The following MACROD1 variants were observed in gnomAD, a reference collection of about 807,000 sequenced individuals.
MACROD1 encodes ADP-ribose glycohydrolase MACROD1.
A neutral mutation model predicts 41.4 loss-of-function variants in MACROD1; 31 were observed. That is an observed-to-expected ratio of 0.75 (90% CI 0.56 to 1.01). The LOEUF is 1.01. MACROD1 is among the 50% of genes least tolerant of loss of function. The pLI, the probability that MACROD1 is intolerant of heterozygous loss-of-function variation, is 0.00. For missense variants in MACROD1, 473 were observed against 460.0 expected, an observed-to-expected ratio of 1.03 and a Z score of -0.26; for synonymous variants, 252 against 203.4, an observed-to-expected ratio of 1.24 and a Z score of -2.03.
chr11:64,151,249 G>A lies in MACROD1; in HGVS notation c.507C>T (p.Ile169=), dbSNP rs112810321. The A allele has an allele frequency of 2.2e-5, 35 of 1,613,186 alleles. 1 individual carries two copies. Among genetic ancestry groups the A allele is most frequent in the Admixed American group, 6.7e-5 (4 of 60,030 alleles). Residue 169 remains isoleucine (I), a synonymous_variant, in exon 3 of 11, where the codon ATC becomes ATT. Transcript: ENST00000255681. ...SDITKLEVDA[I]VNAANSSLLG... ...AGGCCAGCCACTCACCGGCGTTGAC[G>A]ATGGCGTCCACCTCCAGCTTGGTGA...
Position 64,152,342 on chromosome 11 carries a change from T to G in MACROD1, c.350A>C (p.Lys117Thr). Residue 117 changes from lysine to threonine, a missense_variant, in exon 2 of 11, where the codon AAG (lysine) becomes ACG (threonine). By Grantham distance (78) the Lys-to-Thr change is moderately conservative. Transcript: ENST00000255681. The stretch of plus-strand genomic sequence containing the variant: ...GATCTTCTTCAGCCTGACAAAGTCC[T>G]TGCAGAAGTAATGTTCCTCCCGCTG... Reference protein sequence around the residue: ...DKQREEHYFCKDFVRLKKIPT... With the variant: ...DKQREEHYFCTDFVRLKKIPT... 6.2e-7 allele frequency: 1 copy of G among 1,614,256 alleles called. No homozygotes were observed. The highest frequency in any genetic ancestry group is 1.1e-5 in the South Asian group (1 of 91,088).
At chr11:64,139,963 G>A (rs10792427) in intron 3 of MACROD1, among the ~76,000 whole-genome samples, 26 of 147,560 alleles carry the variant, frequency 1.8e-4, no homozygotes, top group Non-Finnish European at 1.3e-4. Flanking sequence ...CTCAAAAAAA[G>A]AAAAAAAAAA....
intron 3 of MACROD1, among the ~76,000 whole-genome samples, chr11:64,111,119 C>T (rs1326411734): frequency 6.6e-6 from 1 of 152,256 alleles, no homozygotes; most frequent in African/African-American, 2.4e-5. Context: ...CCTCTGAAGG[C>T]TGAGGACTGT....
intron 3 of MACROD1, among the ~76,000 whole-genome samples, chr11:64,105,043 C>T (rs915300159): frequency 1.3e-5 from 2 of 152,264 alleles, no homozygotes; most frequent in East Asian, 3.8e-4. Context: ...TGCACCAGGG[C>T]CTGGGACATT....
chr11:64,113,387 C>G (rs1306730011), intron 3 of MACROD1, among the ~76,000 whole-genome samples: 4 of 148,382 alleles, frequency 2.7e-5, no homozygotes, highest in Admixed American at 1.3e-4. Context: ...GATGGATGGA[C>G]AGGTGCATGT....
chr11:64,065,560 T>A (rs573693660), intron 3 of MACROD1, among the ~76,000 whole-genome samples: 1 of 151,716 alleles, frequency 6.6e-6, no homozygotes, highest in Non-Finnish European at 1.5e-5. Flanking sequence ...GAGGCCAAGG[T>A]GGGCGAATCA....
chr11:64,019,572 G>A (rs1012375517), intron 3 of MACROD1, among the ~76,000 whole-genome samples: 1 of 152,190 alleles, frequency 6.6e-6, no homozygotes, highest in Non-Finnish European at 1.5e-5. Context: ...GTCACAGGAG[G>A]CCCGAGGCAC....
At chr11:64,116,540 C>T (rs183670823) in intron 3 of MACROD1, 2 of 1,614,074 alleles carry the variant, frequency 1.2e-6, no homozygotes, top group Non-Finnish European at 1.7e-6. Flanking sequence ...TGCAGAACAA[C>T]CAGATCAACA....
Position 64,082,394 on chromosome 11 carries a change from G to A in MACROD1, c.518-67113C>T, listed in dbSNP as rs1362037484. Among the ~76,000 whole-genome samples the A allele has an allele frequency of 6.6e-6, 1 of 151,986 alleles. No homozygotes were observed. Among genetic ancestry groups the A allele is most frequent in the Non-Finnish European group, 1.5e-5 (1 of 67,976 alleles). ...TGGCTGGAGTGATTGATGGCTGGGA[G>A]GGAGCCTGAAGTGGGGGCGTCCTAA... On this transcript the variant is annotated intron_variant, in intron 3 of 10. Coordinates refer to ENST00000255681, the MANE Select transcript of MACROD1 (RefSeq NM_014067.4). The surrounding 1 kb of genome is among the most constrained non-coding windows in gnomAD (Gnocchi z 4.5).
chr11:64,120,107 G>C lies in MACROD1; in HGVS notation c.517+31132C>G, dbSNP rs531330894. Among the ~76,000 whole-genome samples, 2 of 152,290 alleles carry C rather than the reference G, an allele frequency of 1.3e-5. No individual in the cohort carries two copies. The highest frequency in any genetic ancestry group is 4.8e-5 in the African/African-American group (2 of 41,564). ...AGGCAGAAGCAGCAGCGGGGCAGGG[G>C]TTACGTTAAAAGGCCCGACCGCCAC... is the stretch of plus-strand genomic sequence containing the variant. On this transcript the variant is annotated intron_variant, in intron 3 of 10. Transcript: ENST00000255681. This position sits in a 1 kb window ranked among gnomAD's most constrained non-coding sequence, Gnocchi z 4.5.
chr11:64,054,868 A>T (rs538231577), intron 3 of MACROD1, among the ~76,000 whole-genome samples: 99 of 151,036 alleles, frequency 6.6e-4, no homozygotes, highest in African/African-American at 2.3e-3. Context: ...GAATTCTAGC[A>T]TCTCCCGTGA....
At chr11:64,095,852 C>T (rs542624652) in intron 3 of MACROD1, among the ~76,000 whole-genome samples, 44 of 152,182 alleles carry the variant, frequency 2.9e-4, no homozygotes, top group African/African-American at 8.9e-4. Context: ...TGGAGGAGCG[C>T]GAGGCTGAGG....
chr11:64,165,694 T>TA lies in MACROD1; in HGVS notation c.298+2dup. On this transcript the variant is annotated splice_region_variant and intron_variant, in intron 1 of 10. Transcript: ENST00000255681. ...CCTCGCGCCCCCTCGTGCTTACACTTACATTTCGCCTCCTTCCAGTCGGTG... is the reference window on the plus strand; with the variant it reads ...CCTCGCGCCCCCTCGTGCTTACACTTAACATTTCGCCTCCTTCCAGTCGGTG... 6 of 1,441,942 alleles carry TA rather than the reference T, an allele frequency of 4.2e-6. No homozygotes were observed. The highest frequency in any genetic ancestry group is 4.6e-6 in the Non-Finnish European group (5 of 1,094,226). 89.3% of individuals were successfully genotyped at this position (1,441,942 alleles called of 1,614,324 possible).
chr11:64,121,715 G>A (rs1208493771), intron 3 of MACROD1, among the ~76,000 whole-genome samples: 1 of 152,196 alleles, frequency 6.6e-6, no homozygotes, highest in African/African-American at 2.4e-5. Context: ...ATTCTCCCGG[G>A]CTCCCGTGCA....
At chr11:64,152,158 G>A (rs1945589638) in intron 2 of MACROD1, 134 bp downstream of exon 2, 2 of 694,604 alleles carry the variant, frequency 2.9e-6, no homozygotes, top group Non-Finnish European at 5.2e-6. Context: ...ATTGAATGAG[G>A]TGATACACGC....
At chr11:64,034,177 G>A (rs1185171392) in intron 3 of MACROD1, among the ~76,000 whole-genome samples, 1 of 152,204 alleles carries the variant, frequency 6.6e-6, no homozygotes, top group Non-Finnish European at 1.5e-5. Flanking sequence ...CACACGCCAA[G>A]TGCTGGGATG....
chr11:63,998,635 G>A lies in MACROD1; in HGVS notation c.*83C>T. On this transcript the variant is annotated 3_prime_UTR_variant, in exon 11 of 11. Coordinates refer to ENST00000255681, the MANE Select transcript of MACROD1 (RefSeq NM_014067.4). Reference sequence around the variant, plus strand: ...GAAGGGGTGGCCAGGCCCAGGCCAGGCTGCAGGCTTTGGCGACCTCTCAGA... The same window carrying A: ...GAAGGGGTGGCCAGGCCCAGGCCAGACTGCAGGCTTTGGCGACCTCTCAGA... 7.6e-7 allele frequency: 1 copy of A among 1,309,464 alleles called. No individual in the cohort carries two copies. The allele number at this position is 1,309,464 out of a possible 1,614,324, so 81.1% of individuals were successfully genotyped here. A position where few individuals can be genotyped will look rare whatever the true frequency, so the allele number is the denominator to read the frequency against.
chr11:64,102,385 G>A (rs1005437208), intron 3 of MACROD1, among the ~76,000 whole-genome samples: 3 of 152,170 alleles, frequency 2.0e-5, no homozygotes, highest in Non-Finnish European at 4.4e-5. Flanking sequence ...AGGAAGTGGG[G>A]TGGGCACCAG....
intron 3 of MACROD1, among the ~76,000 whole-genome samples, chr11:64,071,006 C>T (rs1277079565): frequency 6.6e-6 from 1 of 152,118 alleles, no homozygotes; most frequent in Non-Finnish European, 1.5e-5. Context: ...CTCAGACCTC[C>T]ACAGTTCACA....
Sources: allele counts gnomAD v4.1 joint callset (sites outside exome capture counted in the v4.1 genomes callset), GRCh38; gene constraint gnomAD v4.1.1; non-coding constraint Gnocchi (gnomAD v3.1); transcripts MANE v1.5; gene names NCBI Gene and HGNC (gene_info 2026-07-23, HGNC 2026-07-21).